Variants in ATF7 observed in about 807,000 individuals in gnomAD.
The protein encoded by ATF7 is cyclic AMP-dependent transcription factor ATF-7.
Under a neutral mutation model 50.4 loss-of-function variants are expected in ATF7, and 10 were observed. The observed-to-expected ratio is 0.20, with a 90% CI of 0.12 to 0.34. The LOEUF is 0.34. Ranked by LOEUF, ATF7 falls within the 10% of genes least tolerant of loss-of-function variation. The pLI is 1.00. For missense variants in ATF7, 465 were observed against 613.9 expected, an observed-to-expected ratio of 0.76 and a Z score of 2.56; for synonymous variants, 201 against 226.4, an observed-to-expected ratio of 0.89 and a Z score of 1.01.
intron 6 of ATF7, 109 bp from the exon 7 acceptor site, chr12:53,533,368 G>T: frequency 1.2e-6 from 1 of 832,534 alleles, no homozygotes; most frequent in Non-Finnish European, 1.9e-6. Flanking sequence ...GGAAGGTATA[G>T]GGCAGCATGG....
intron 1 of ATF7, among the ~76,000 whole-genome samples, chr12:53,621,713 C>T (rs1475229869): frequency 1.4e-5 from 2 of 146,906 alleles, no homozygotes; most frequent in South Asian, 2.2e-4. Flanking sequence ...CGCTTGAACC[C>T]GGGAGGCGGA....
At chr12:53,569,764 C>T (rs1033888357) in intron 2 of ATF7, among the ~76,000 whole-genome samples, 6 of 151,890 alleles carry the variant, frequency 4.0e-5, no homozygotes, top group South Asian at 2.1e-4. Flanking sequence ...AACCTACCTC[C>T]GCCTCCCTCG....
chr12:53,529,316 C>T (rs1938700455), intron 9 of ATF7, among the ~76,000 whole-genome samples: 2 of 152,124 alleles, frequency 1.3e-5, no homozygotes, highest in African/African-American at 2.4e-5. Flanking sequence ...TCTCATGCCT[C>T]GGCCTCCTGA....
downstream of ATF7, among the ~76,000 whole-genome samples, chr12:53,508,969 T>C (rs1456241970): frequency 6.6e-6 from 1 of 152,160 alleles, no homozygotes; most frequent in Non-Finnish European, 1.5e-5. Flanking sequence ...TAGAATCCTG[T>C]CTTAAGAAAA....
rs762603438 is a variant in ATF7 at position 53,537,599 on chromosome 12, C to T, written c.265-47G>A. The T allele has an allele frequency of 2.5e-6, 4 of 1,594,292 alleles. No homozygotes were observed. The East Asian group carries it at 9.0e-5, about 36-fold the overall frequency. ...CAGAGTTTAACCCTATGATTCCTTT[C>T]AGGTTGAATCTATATTTTCCCATTT... On this transcript the variant is annotated intron_variant, in intron 4 of 11. Coordinates refer to ENST00000420353, the MANE Select transcript of ATF7 (RefSeq NM_006856.3).
Position 53,568,733 on chromosome 12 carries a change from G to A in ATF7, c.49-16096C>T, listed in dbSNP as rs546560396. ...GGAAAGCTCTGATAAGCTATCTTTA[G>A]TTTTACAAAGTCAGGCAAATGGAAA... On this transcript the variant is annotated intron_variant, in intron 2 of 11. Transcript: ENST00000420353. Among the ~76,000 whole-genome samples, 6 of 152,266 alleles carry A rather than the reference G, an allele frequency of 3.9e-5. No individual in the cohort carries two copies. In the South Asian group the frequency reaches 1.2e-3, roughly 31 times the overall value.
intron 2 of ATF7, among the ~76,000 whole-genome samples, chr12:53,563,012 T>C (rs1198088019): frequency 6.6e-6 from 1 of 152,196 alleles, no homozygotes; most frequent in African/African-American, 2.4e-5. Context: ...TTTCTGCTAT[T>C]CTTCTACTAA....
intron 4 of ATF7, chr12:53,543,061 T>A (rs1157949131): frequency 3.2e-5 from 42 of 1,320,330 alleles, no homozygotes; most frequent in South Asian, 1.5e-4. Context: ...AAATATTTTT[T>A]AAAAAACCGA....
chr12:53,555,812 T>C (rs1013459231), intron 2 of ATF7, among the ~76,000 whole-genome samples: 1 of 148,488 alleles, frequency 6.7e-6, no homozygotes, highest in African/African-American at 2.5e-5. Flanking sequence ...GCCCCGTCTT[T>C]TTTTGTTTTG....
intron 1 of ATF7, among the ~76,000 whole-genome samples, chr12:53,603,173 C>A (rs138674640): frequency 6.6e-6 from 1 of 152,188 alleles, no homozygotes; most frequent in African/African-American, 2.4e-5. Context: ...ATTTTTCTAC[C>A]TATTTAGAGG....
intron 1 of ATF7, among the ~76,000 whole-genome samples, chr12:53,621,475 TA>T (rs57736129): frequency 0.017 from 2,616 of 152,288 alleles, 63 homozygotes; most frequent in African/African-American, 0.051. Flanking sequence ...GGGATAAATG[TA>T]AAGTTGTCAA....
intron 2 of ATF7, among the ~76,000 whole-genome samples, chr12:53,566,969 G>A (rs1941478681): frequency 6.6e-6 from 1 of 152,108 alleles, no homozygotes; most frequent in East Asian, 1.9e-4. Flanking sequence ...GGTCAGGCTA[G>A]TCTCGAACTC....
intron 2 of ATF7, among the ~76,000 whole-genome samples, chr12:53,598,229 C>T (rs193002291): frequency 4.6e-5 from 7 of 152,170 alleles, no homozygotes; most frequent in East Asian, 1.9e-4. Context: ...GTTACCAGAT[C>T]GTGGGAGAAA....
intron 1 of ATF7, among the ~76,000 whole-genome samples, chr12:53,622,405 G>C (rs1028136224): frequency 5.9e-5 from 9 of 152,062 alleles, no homozygotes; most frequent in Admixed American, 1.3e-4. Flanking sequence ...CAGATCACGT[G>C]GTCAGGATAT....
intron 2 of ATF7, chr12:53,576,008 C>T (rs1428757137): frequency 2.6e-5 from 4 of 155,550 alleles, no homozygotes; most frequent in African/African-American, 9.6e-5. Flanking sequence ...CTGGAAGGCA[C>T]ACTCAGGGGA....
chr12:53,564,936 T>C (rs1941365288), intron 2 of ATF7, among the ~76,000 whole-genome samples: 1 of 150,862 alleles, frequency 6.6e-6, no homozygotes. Flanking sequence ...TATATTTTTA[T>C]GTGTGGCCCA....
chr12:53,524,592 T>A lies in ATF7; in HGVS notation c.1097A>T (p.Glu366Val), dbSNP rs754353322. 1.2e-6 allele frequency: 2 copies of A among 1,614,010 alleles called. No homozygotes were observed. The highest frequency in any genetic ancestry group is 2.2e-5 in the South Asian group (2 of 91,088). Residue 366 changes from glutamate (E) to valine (V), a missense_variant, in exon 10 of 12, where the codon GAA (glutamate) becomes GTA (valine). Physicochemically the swap from Glu to Val is moderately radical, Grantham distance 121. Transcript: ENST00000420353. The surrounding 1 kb of genome is among the most constrained non-coding windows in gnomAD (Gnocchi z 4.6). ...CAGCTGAATGTTCTGAGAAGTGAGTTCTTCGGCCTTCTTCTCTAGGGAGGA... is the reference window on the plus strand; with the variant it reads ...CAGCTGAATGTTCTGAGAAGTGAGTACTTCGGCCTTCTTCTCTAGGGAGGA... The part of the protein sequence containing the change: ...WVSSLEKKAE[E>V]LTSQNIQLSN...
At chr12:53,531,461 T>C (rs1938886879) in intron 9 of ATF7, among the ~76,000 whole-genome samples, 1 of 149,846 alleles carries the variant, frequency 6.7e-6, no homozygotes, top group African/African-American at 2.4e-5. Flanking sequence ...GCTGCAACAG[T>C]TCTGCATTAC....
At chr12:53,559,024 G>A (rs571104696) in intron 2 of ATF7, among the ~76,000 whole-genome samples, 2 of 150,268 alleles carry the variant, frequency 1.3e-5, no homozygotes, top group South Asian at 4.2e-4. Context: ...GCTCACACCT[G>A]TAACCCCAAC....
Sources: gnomAD v4.1 joint callset for allele counts (sites outside exome capture counted in the v4.1 genomes callset) on GRCh38, gnomAD v4.1.1 for gene constraint, Gnocchi (gnomAD v3.1) non-coding constraint, MANE v1.5 for transcripts, NCBI Gene and HGNC (gene_info 2026-07-23, HGNC 2026-07-21) for gene names.